Variants in SKAP1 observed in about 807,000 individuals in gnomAD.
SKAP1 encodes the protein src kinase-associated phosphoprotein 1.
SKAP1 carries 44 observed loss-of-function variants against 58.5 expected under a neutral mutation model. That is an observed-to-expected ratio of 0.75 (90% CI 0.59 to 0.97). SKAP1 has a LOEUF of 0.97. Ranked by LOEUF, SKAP1 falls within the 50% of genes least tolerant of loss-of-function variation. The pLI, the probability that SKAP1 is intolerant of heterozygous loss-of-function variation, is 0.00. For synonymous variants in SKAP1, 127 were observed against 149.7 expected, an observed-to-expected ratio of 0.85 and a Z score of 1.11; for missense variants, 390 against 435.2, an observed-to-expected ratio of 0.90 and a Z score of 0.92.
chr17:48,327,490 T>G (rs911190213), intron 4 of SKAP1, among the ~76,000 whole-genome samples: 4 of 152,236 alleles, frequency 2.6e-5, no homozygotes, highest in African/African-American at 9.6e-5. Flanking sequence ...TAAGACATTT[T>G]ATTATGTTTT....
At chr17:48,236,751 C>A (rs1056823324) in intron 4 of SKAP1, among the ~76,000 whole-genome samples, 1 of 152,142 alleles carries the variant, frequency 6.6e-6, no homozygotes, top group African/African-American at 2.4e-5. Context: ...AAAGTATCTG[C>A]TAAGGTGTGT....
At chr17:48,287,894 T>A (rs933589807) in intron 4 of SKAP1, among the ~76,000 whole-genome samples, 5 of 152,228 alleles carry the variant, frequency 3.3e-5, no homozygotes, top group African/African-American at 1.2e-4. Context: ...AACCAAAATG[T>A]CTTAGCACTC....
intron 11 of SKAP1, among the ~76,000 whole-genome samples, chr17:48,153,510 A>G (rs544609175): frequency 6.6e-6 from 1 of 152,242 alleles, no homozygotes; most frequent in Admixed American, 6.5e-5. Context: ...ATGAGAGAAA[A>G]CACCATCATC....
intron 4 of SKAP1, among the ~76,000 whole-genome samples, chr17:48,342,459 C>T (rs2066665807): frequency 7.9e-6 from 1 of 126,802 alleles, no homozygotes; most frequent in Non-Finnish European, 1.6e-5. Context: ...AAGTCATGAC[C>T]TAAACACAAT....
At chr17:48,281,907 T>A (rs1195156577) in intron 4 of SKAP1, among the ~76,000 whole-genome samples, 1 of 152,232 alleles carries the variant, frequency 6.6e-6, no homozygotes, top group Admixed American at 6.5e-5. Flanking sequence ...CTAGTTTATC[T>A]AATGCATATA....
At chr17:48,407,368 T>C (rs1192814405) in intron 1 of SKAP1, among the ~76,000 whole-genome samples, 1 of 152,164 alleles carries the variant, frequency 6.6e-6, no homozygotes, top group Non-Finnish European at 1.5e-5. Context: ...ATCAGAACAA[T>C]GGTTTTCTAA....
intron 4 of SKAP1, among the ~76,000 whole-genome samples, chr17:48,268,493 A>T (rs1567845653): frequency 6.6e-6 from 1 of 150,830 alleles, no homozygotes; most frequent in African/African-American, 2.4e-5. Context: ...ATTCAAGTTA[A>T]TTTTTTTTTG....
chr17:48,339,231 C>A (rs918002492), intron 4 of SKAP1, among the ~76,000 whole-genome samples: 1 of 152,096 alleles, frequency 6.6e-6, no homozygotes, highest in African/African-American at 2.4e-5. Flanking sequence ...GAAAAATATA[C>A]CTTCTAGCTA....
intron 4 of SKAP1, among the ~76,000 whole-genome samples, chr17:48,297,630 C>T (rs950306516): frequency 1.8e-4 from 28 of 151,966 alleles, no homozygotes; most frequent in African/African-American, 6.0e-4. Context: ...AGTTCAGGCA[C>T]GATTCAAAAG....
chr17:48,171,030 G>A (rs905877088), intron 9 of SKAP1, among the ~76,000 whole-genome samples: 1 of 149,902 alleles, frequency 6.7e-6, no homozygotes, highest in Non-Finnish European at 1.5e-5. Context: ...TTCCTTATAC[G>A]GAAAGGTCCC....
intron 2 of SKAP1, among the ~76,000 whole-genome samples, chr17:48,376,533 ATATTATTCACC>A (rs1308742461): frequency 6.6e-6 from 1 of 152,234 alleles, no homozygotes; most frequent in Non-Finnish European, 1.5e-5. Flanking sequence ...GAACATGGAC[ATATTATTCACC>A]TGAAGGCAAA....
chr17:48,304,800 A>C (rs1050649346), intron 4 of SKAP1, among the ~76,000 whole-genome samples: 1 of 152,178 alleles, frequency 6.6e-6, no homozygotes, highest in Non-Finnish European at 1.5e-5. Flanking sequence ...CTACCATTGG[A>C]GCTAGGAAGT....
At chr17:48,379,689 T>TTC (rs2067192148) in intron 2 of SKAP1, among the ~76,000 whole-genome samples, 1 of 151,246 alleles carries the variant, frequency 6.6e-6, no homozygotes, top group African/African-American at 2.4e-5. Context: ...CTTCTTTTTT[T>TTC]TTTTTTTTTT....
intron 3 of SKAP1, among the ~76,000 whole-genome samples, chr17:48,347,013 CTT>C (rs556327962): frequency 3.7e-4 from 56 of 152,256 alleles, no homozygotes; most frequent in Non-Finnish European, 6.6e-4. Context: ...ATGCTAATCT[CTT>C]TTGTGTGTTT....
chr17:48,211,811 AAAGT>A (rs1034794582), intron 4 of SKAP1, among the ~76,000 whole-genome samples: 11 of 152,090 alleles, frequency 7.2e-5, no homozygotes, highest in Admixed American at 2.0e-4. Context: ...CTATCTTTAT[AAAGT>A]ATGTCATTTG....
intron 4 of SKAP1, among the ~76,000 whole-genome samples, chr17:48,228,338 T>C (rs547449256): frequency 6.6e-6 from 1 of 152,350 alleles, no homozygotes; most frequent in Admixed American, 6.5e-5. Context: ...ACATCTGTAT[T>C]GTTAATAAAC....
chr17:48,382,867 C>A (rs954969015), intron 2 of SKAP1, among the ~76,000 whole-genome samples: 12 of 152,144 alleles, frequency 7.9e-5, no homozygotes, highest in Non-Finnish European at 1.6e-4. Context: ...GGACGTTGAA[C>A]CCAAATGAAT....
intron 11 of SKAP1, among the ~76,000 whole-genome samples, chr17:48,154,283 A>G (rs2063942711): frequency 6.6e-6 from 1 of 152,204 alleles, no homozygotes; most frequent in Non-Finnish European, 1.5e-5. Flanking sequence ...GACAAAGTCC[A>G]TTCTTCTCCA....
chr17:48,433,816 G>A (rs1380967203), upstream of SKAP1, among the ~76,000 whole-genome samples: 1 of 152,160 alleles, frequency 6.6e-6, no homozygotes, highest in Non-Finnish European at 1.5e-5. Flanking sequence ...GCCCATATTG[G>A]CCTCTGAGCT....
Sources: gnomAD v4.1 joint callset for allele counts (sites outside exome capture counted in the v4.1 genomes callset) on GRCh38, gnomAD v4.1.1 for gene constraint, MANE v1.5 for transcripts, NCBI Gene and HGNC (gene_info 2026-07-23, HGNC 2026-07-21) for gene names.